Variants in KCNN3 observed in about 807,000 individuals in gnomAD.
KCNN3 encodes potassium calcium-activated channel subfamily N member 3, also known as small conductance calcium-activated potassium channel protein 3.
In KCNN3, 16 loss-of-function variants were observed where a neutral mutation model predicts 62.9. The ratio of observed to expected loss-of-function variants is 0.25; its 90% confidence interval spans 0.17 to 0.39. The LOEUF (loss-of-function observed/expected upper bound fraction) is 0.39, where lower values mean the gene tolerates loss of function less well. Among genes scored for constraint, KCNN3 ranks in the 10% least tolerant of loss-of-function variants. KCNN3 has a pLI of 1.00. For missense variants in KCNN3, 599 were observed against 949.4 expected, an observed-to-expected ratio of 0.63 and a Z score of 4.85; for synonymous variants, 370 against 389.2, an observed-to-expected ratio of 0.95 and a Z score of 0.58.
chr1:154,752,589 T>C (rs371911008), intron 3 of KCNN3, among the ~76,000 whole-genome samples: 13 of 152,316 alleles, frequency 8.5e-5, no homozygotes, highest in African/African-American at 2.9e-4. Context: ...CCTGCCCTGC[T>C]TACTTCACAG....
At chr1:154,734,428 G>C (rs994569719) in intron 3 of KCNN3, among the ~76,000 whole-genome samples, 2 of 152,160 alleles carry the variant, frequency 1.3e-5, no homozygotes, top group South Asian at 2.1e-4. Context: ...GTTACCATTG[G>C]GGCTTCCGTG....
At position 154,702,879 on chromosome 1, in the gene KCNN3, A is replaced by G. The variant is rs1699885846; in HGVS notation, c.*5097T>C. ...GTGTCTCTTTTGCTTGTTTCAACACATAGCCCAGGCCCAAGATTACAGCTT... is the reference window on the plus strand; with the variant it reads ...GTGTCTCTTTTGCTTGTTTCAACACGTAGCCCAGGCCCAAGATTACAGCTT... On this transcript the variant is annotated 3_prime_UTR_variant, in exon 8 of 8. Coordinates refer to ENST00000271915, the MANE Select transcript of KCNN3 (RefSeq NM_002249.6). 6.6e-6 allele frequency: 1 copy of G among 151,294 alleles called. No homozygotes were observed. The highest frequency in any genetic ancestry group is 2.4e-5 in the African/African-American group (1 of 41,162). The allele number at this position is 151,294 out of a possible 1,614,324, so 9.4% of individuals were successfully genotyped here.
intron 3 of KCNN3, among the ~76,000 whole-genome samples, chr1:154,753,975 G>A (rs936875139): frequency 1.3e-5 from 2 of 152,174 alleles, no homozygotes; most frequent in African/African-American, 4.8e-5. Context: ...ATGAGCGCAC[G>A]TTTCTGACTC....
intron 3 of KCNN3, among the ~76,000 whole-genome samples, chr1:154,739,965 G>T (rs2101801115): frequency 6.6e-6 from 1 of 152,364 alleles, no homozygotes; most frequent in East Asian, 1.9e-4. Context: ...CATTTAAGCT[G>T]CACCTGAATT....
chr1:154,823,284 A>C (rs1383643660), intron 1 of KCNN3, among the ~76,000 whole-genome samples: 1 of 152,206 alleles, frequency 6.6e-6, no homozygotes. Flanking sequence ...GATGAGATCC[A>C]GGAAGCATTT....
At chr1:154,863,689 T>C (rs1437576723) in intron 1 of KCNN3, among the ~76,000 whole-genome samples, 1 of 152,244 alleles carries the variant, frequency 6.6e-6, no homozygotes, top group East Asian at 1.9e-4. Flanking sequence ...CTTTTGACCA[T>C]GGCCTTACAA....
chr1:154,749,903 C>T (rs1428877957), intron 3 of KCNN3, among the ~76,000 whole-genome samples: 1 of 152,180 alleles, frequency 6.6e-6, no homozygotes, highest in Non-Finnish European at 1.5e-5. Flanking sequence ...CCAGGGAGTG[C>T]AGCTGTCCCT....
At chr1:154,843,351 C>T (rs1490530306) in intron 1 of KCNN3, among the ~76,000 whole-genome samples, 1 of 152,166 alleles carries the variant, frequency 6.6e-6, no homozygotes, top group Non-Finnish European at 1.5e-5. Context: ...AGCTGGTTCC[C>T]AGCGTCCCTT....
chr1:154,868,900 A>ATCTCTC (rs60145117), intron 1 of KCNN3, 132 bp downstream of exon 1: 8,835 of 756,372 alleles, frequency 0.012, 32 homozygotes, highest in Middle Eastern at 0.03. Flanking sequence ...CAATCTCTCA[A>ATCTCTC]TCTCTCTCTC....
chr1:154,847,296 C>T (rs1652112771), intron 1 of KCNN3, among the ~76,000 whole-genome samples: 1 of 152,120 alleles, frequency 6.6e-6, no homozygotes, highest in Non-Finnish European at 1.5e-5. Context: ...TCACTGGCCC[C>T]AGATCCAGGG....
At chr1:154,827,899 A>C (rs1651203833) in intron 1 of KCNN3, among the ~76,000 whole-genome samples, 1 of 152,132 alleles carries the variant, frequency 6.6e-6, no homozygotes. Context: ...CTCCTACCAG[A>C]AGTCAGCTAA....
chr1:154,765,597 T>G (rs1043024772), intron 3 of KCNN3, among the ~76,000 whole-genome samples: 12 of 151,912 alleles, frequency 7.9e-5, no homozygotes, highest in Non-Finnish European at 8.8e-5. Flanking sequence ...GGCACCCTAT[T>G]AGAGATGCCC....
intron 5 of KCNN3, among the ~76,000 whole-genome samples, chr1:154,716,635 A>C (rs566279412): frequency 2.0e-4 from 30 of 152,386 alleles, no homozygotes; most frequent in African/African-American, 7.0e-4. Flanking sequence ...GAAATGTCTA[A>C]GGGACATAAA....
At chr1:154,723,481 A>G (rs1700400458) in intron 5 of KCNN3, among the ~76,000 whole-genome samples, 1 of 152,226 alleles carries the variant, frequency 6.6e-6, no homozygotes, top group African/African-American at 2.4e-5. Flanking sequence ...TTAGGGAATC[A>G]TTTTTGAAAG....
At chr1:154,715,780 G>A (rs1700222487) in intron 5 of KCNN3, among the ~76,000 whole-genome samples, 1 of 152,116 alleles carries the variant, frequency 6.6e-6, no homozygotes, top group South Asian at 2.1e-4. Flanking sequence ...TCCGAGCTTT[G>A]CCTGAGATTG....
At position 154,777,670 on chromosome 1, in the gene KCNN3, A is replaced by G. The variant is rs530716414; in HGVS notation, c.1030-5277T>C. Among the ~76,000 whole-genome samples, 7 of 152,332 alleles carry G rather than the reference A, an allele frequency of 4.6e-5. No individual in the cohort carries two copies. In the East Asian group the frequency reaches 1.2e-3, roughly 25 times the overall value. On this transcript the variant is annotated intron_variant, in intron 2 of 7. Coordinates refer to ENST00000271915, the MANE Select transcript of KCNN3 (RefSeq NM_002249.6). ...GCTCGGGGAGTGTGTATGTGGCTCC[A>G]CAAAGGACTATCCTCCCCTAGGGCT...
chr1:154,859,248 C>T (rs1250051085), intron 1 of KCNN3, among the ~76,000 whole-genome samples: 1 of 152,250 alleles, frequency 6.6e-6, no homozygotes, highest in Non-Finnish European at 1.5e-5. Context: ...AACTCCAATT[C>T]GTTAAAATCA....
rs1557964823 is a variant in KCNN3, at chr1:154,766,417, TA to T, written c.1448+5557del. Among the ~76,000 whole-genome samples, 32 of 10,506 alleles carry T rather than the reference TA, an allele frequency of 3.0e-3. 3 individuals are homozygous for T. The highest frequency in any genetic ancestry group is 0.02 in the Admixed American group (15 of 754). 6.9% of individuals were successfully genotyped at this position (10,506 alleles called of 152,430 possible). On this transcript the variant is annotated intron_variant, in intron 3 of 7. Transcript: ENST00000271915. ...CATTTATTAAATACTAGCCAGGCTT[TA>T]TATATATATATATATATATATATAT...
At chr1:154,746,119 A>G (rs566052972) in intron 3 of KCNN3, among the ~76,000 whole-genome samples, 1 of 152,320 alleles carries the variant, frequency 6.6e-6, no homozygotes, top group East Asian at 1.9e-4. Context: ...TTAGTAAATG[A>G]GTTCATTTGG....
Sources: allele counts gnomAD v4.1 joint callset (sites outside exome capture counted in the v4.1 genomes callset), GRCh38; gene constraint gnomAD v4.1.1; transcripts MANE v1.5; gene names NCBI Gene and HGNC (gene_info 2026-07-23, HGNC 2026-07-21).